The following BBOF1 variants were observed in gnomAD, a reference collection of about 807,000 sequenced individuals.
The protein encoded by BBOF1 is basal body-orientation factor 1.
A neutral mutation model predicts 68.0 loss-of-function variants in BBOF1; 62 were observed. The ratio of observed to expected loss-of-function variants is 0.91; its 90% confidence interval spans 0.74 to 1.13. BBOF1 has a LOEUF of 1.13. BBOF1 is among the 50% of genes most tolerant of loss of function. The pLI is 0.00. For synonymous variants in BBOF1, 208 were observed against 198.8 expected (o/e 1.05, Z -0.39); for missense variants, 534 against 600.1 (o/e 0.89, Z 1.15).
chr14:74,031,839 C>T (rs951796231), intron 3 of BBOF1: 2 of 152,086 alleles, frequency 1.3e-5, no homozygotes, highest in African/African-American at 2.4e-5. Context: ...TCATAGCAGT[C>T]CCTTTTTGAT....
At chr14:74,073,496 T>C (rs779956567) in intron 9 of BBOF1, among the ~76,000 whole-genome samples, 1 of 152,212 alleles carries the variant, frequency 6.6e-6, no homozygotes, top group Admixed American at 6.5e-5. Context: ...TGGAACTTCA[T>C]GAGTAGAAAC....
chr14:74,067,177 G>A (rs2060480040), downstream of BBOF1, among the ~76,000 whole-genome samples: 1 of 152,138 alleles, frequency 6.6e-6, no homozygotes, highest in African/African-American at 2.4e-5. Flanking sequence ...TGGTGCCACT[G>A]CACTCCAGCT....
At chr14:74,025,056 C>T (rs2059394823) in intron 2 of BBOF1, among the ~76,000 whole-genome samples, 1 of 152,160 alleles carries the variant, frequency 6.6e-6, no homozygotes, top group Non-Finnish European at 1.5e-5. Flanking sequence ...GCATGAGCCA[C>T]AAAACCTGGC....
At chr14:74,075,808 C>T (rs902901880) in intron 9 of BBOF1, among the ~76,000 whole-genome samples, 2 of 151,550 alleles carry the variant, frequency 1.3e-5, no homozygotes, top group East Asian at 3.9e-4. Context: ...TTGTAGTAGC[C>T]CAAAACTTGG....
In BBOF1 at chr14:74,034,026, A is replaced by G. The variant is rs1452150870; in HGVS notation, c.352-2A>G. The G allele has an allele frequency of 1.3e-6, 2 of 1,582,132 alleles. No homozygotes were observed. The highest frequency in any genetic ancestry group is 3.8e-5 in the Admixed American group (2 of 52,682). ...ACTCGTTTACCTCTTTTTTGAATAC[A>G]GGAACAAAAGTATACCAGGCAAATT... On this transcript the variant is annotated splice_acceptor_variant, in intron 3 of 11. Coordinates refer to ENST00000394009, the MANE Select transcript of BBOF1 (RefSeq NM_025057.3). LOFTEE classifies it high-confidence loss of function.
intron 10 of BBOF1, among the ~76,000 whole-genome samples, chr14:74,078,703 A>G (rs1285971140): frequency 6.7e-6 from 1 of 149,818 alleles, no homozygotes; most frequent in East Asian, 1.9e-4. Flanking sequence ...AATTTTTTGT[A>G]TTTTTAGTAG....
At chr14:74,062,355 A>C (rs2060365265) in intron 11 of BBOF1, among the ~76,000 whole-genome samples, 1 of 152,120 alleles carries the variant, frequency 6.6e-6, no homozygotes, top group Non-Finnish European at 1.5e-5. Context: ...TAATCCCAGC[A>C]CTTTGGGAGG....
chr14:74,057,554 AGTGAC>A (rs1246470509), intron 11 of BBOF1: 3 of 1,333,732 alleles, frequency 2.2e-6, no homozygotes, highest in Non-Finnish European at 2.9e-6. Context: ...GAGTAAACAT[AGTGAC>A]CTTGTGACTC....
chr14:74,072,145 G>A (rs1024292737), intron 9 of BBOF1: 2 of 1,612,166 alleles, frequency 1.2e-6, no homozygotes, highest in Non-Finnish European at 1.7e-6. Context: ...GTCTCTGTGA[G>A]AGTGACAAAC....
chr14:74,063,848 A>G (rs1016055721), intron 11 of BBOF1, among the ~76,000 whole-genome samples: 34 of 145,364 alleles, frequency 2.3e-4, no homozygotes, highest in Non-Finnish European at 4.5e-4. Flanking sequence ...CCTGTGCGAC[A>G]GAGTGAGACT....
intron 12 of BBOF1, among the ~76,000 whole-genome samples, chr14:74,081,932 T>C (rs1252499450): frequency 6.6e-6 from 1 of 152,164 alleles, no homozygotes; most frequent in Non-Finnish European, 1.5e-5. Context: ...CTTGCCCAGG[T>C]GCAGCGGTTC....
intron 4 of BBOF1, 102 bp downstream of exon 4, chr14:74,034,273 C>G (rs1475916823): frequency 1.4e-5 from 10 of 724,910 alleles, no homozygotes; most frequent in Non-Finnish European, 1.6e-5. Flanking sequence ...GCAAAGAACT[C>G]TCTTTGACAT....
Position 74,026,139 on chromosome 14 carries a change from T to G in BBOF1, c.285+2995T>G, listed in dbSNP as rs535184096. 5.8e-5 allele frequency among the ~76,000 whole-genome samples: 6 copies of G among 103,128 alleles called. No homozygotes were observed. In the South Asian group the frequency reaches 1.7e-3, roughly 29 times the overall value. The allele number at this position is 103,128 out of a possible 152,430, so 67.7% of individuals were successfully genotyped here. ...CTGGGCAACAGAGTGAGACTCTGTC[T>G]CAAAAAAAAAAAAAAGAGAGAGACT... On this transcript the variant is annotated intron_variant, in intron 2 of 11. Transcript: ENST00000394009.
intron 11 of BBOF1, among the ~76,000 whole-genome samples, chr14:74,062,609 C>T (rs2060372915): frequency 6.6e-6 from 1 of 151,906 alleles, no homozygotes; most frequent in Non-Finnish European, 1.5e-5. Flanking sequence ...AAAAAAACCC[C>T]AAAACAAAAA....
At chr14:74,029,896 T>G (rs1375361929) in intron 3 of BBOF1, among the ~76,000 whole-genome samples, 1 of 152,170 alleles carries the variant, frequency 6.6e-6, no homozygotes, top group Non-Finnish European at 1.5e-5. Context: ...ATAGAATTTT[T>G]ACTTAACTTT....
At chr14:74,050,232 A>G (rs746376039) in intron 8 of BBOF1, 37 bp downstream of exon 8, 3 of 1,508,246 alleles carry the variant, frequency 2.0e-6, no homozygotes, top group Non-Finnish European at 2.7e-6. Flanking sequence ...TTTTGCTGCT[A>G]TTTTTGTGTC....
At chr14:74,031,919 T>C (rs1461758688) in intron 3 of BBOF1, 1 of 152,148 alleles carries the variant, frequency 6.6e-6, no homozygotes, top group Non-Finnish European at 1.5e-5. Flanking sequence ...CATGTATGTA[T>C]CTTTTCACAT....
At chr14:74,052,068 T>C (rs2060079485) in intron 8 of BBOF1, among the ~76,000 whole-genome samples, 1 of 151,864 alleles carries the variant, frequency 6.6e-6, no homozygotes, top group African/African-American at 2.4e-5. Context: ...GTAATACTAC[T>C]ACTGTTACCA....
Position 74,065,055 on chromosome 14 carries a change from G to A in BBOF1, c.*356G>A. 4.3e-6 allele frequency: 6 copies of A among 1,398,388 alleles called. No homozygotes were observed. Among genetic ancestry groups the A allele is most frequent in the Non-Finnish European group, 5.0e-6 (5 of 999,660 alleles). 86.6% of individuals were successfully genotyped at this position (1,398,388 alleles called of 1,614,324 possible). On this transcript the variant is annotated 3_prime_UTR_variant, in exon 12 of 12. Transcript: ENST00000394009. ...TACCCCATGAACTTTCATTCCTGAG[G>A]AAGAAATGGGGCAATGTGGGAGGTC...
Sources: allele counts gnomAD v4.1 joint callset (sites outside exome capture counted in the v4.1 genomes callset), GRCh38; gene constraint gnomAD v4.1.1; transcripts MANE v1.5; gene names NCBI Gene and HGNC (gene_info 2026-07-23, HGNC 2026-07-21).